GRIK2: variants seen among roughly 807,000 people sequenced by gnomAD.
The protein encoded by GRIK2 is glutamate ionotropic receptor kainate type subunit 2.
In GRIK2, 32 loss-of-function variants were observed where a neutral mutation model predicts 100.3. The ratio of observed to expected loss-of-function variants is 0.32; its 90% CI spans 0.24 to 0.43. GRIK2 has a LOEUF of 0.43. Among genes scored for constraint, GRIK2 ranks in the 20% least tolerant of loss-of-function variants. The probability of loss-of-function intolerance (pLI) is 1.00; values close to 1 mark genes in which losing one functional copy is unlikely to be tolerated. For missense variants in GRIK2, 843 were observed against 1,114.9 expected (o/e 0.76, Z 3.47); for synonymous variants, 417 against 389.4 (o/e 1.07, Z -0.83).
At chr6:101,766,430 T>A (rs1397724003) in intron 7 of GRIK2, among the ~76,000 whole-genome samples, 1 of 152,170 alleles carries the variant, frequency 6.6e-6, no homozygotes, top group African/African-American at 2.4e-5. Context: ...ATTAAAGTAA[T>A]GTTTGATATA....
chr6:101,431,806 C>A (rs187038225), intron 2 of GRIK2, among the ~76,000 whole-genome samples: 4 of 152,276 alleles, frequency 2.6e-5, no homozygotes, highest in Admixed American at 1.3e-4. Flanking sequence ...ATTTCCAACA[C>A]TGAAGTGGTT....
At chr6:101,986,972 T>G (rs1794046919) in intron 14 of GRIK2, among the ~76,000 whole-genome samples, 1 of 151,640 alleles carries the variant, frequency 6.6e-6, no homozygotes, top group South Asian at 2.1e-4. Flanking sequence ...AGACCCCAGC[T>G]ATATTAAAAA....
At chr6:101,825,617 C>G (rs200141934) in intron 10 of GRIK2, among the ~76,000 whole-genome samples, 1 of 137,208 alleles carries the variant, frequency 7.3e-6, no homozygotes, top group African/African-American at 3.0e-5. Context: ...AGCAGTTTTG[C>G]CTTTATGTTA....
At chr6:101,852,615 G>C (rs530715868) in intron 10 of GRIK2, among the ~76,000 whole-genome samples, 1 of 152,270 alleles carries the variant, frequency 6.6e-6, no homozygotes, top group South Asian at 2.1e-4. Flanking sequence ...AATCGCTCAA[G>C]TCTAGTTCAG....
chr6:102,039,368 G>T (rs1770449221), intron 15 of GRIK2, among the ~76,000 whole-genome samples: 2 of 151,474 alleles, frequency 1.3e-5, no homozygotes, highest in Non-Finnish European at 3.0e-5. Context: ...TTTTAATGTG[G>T]CATTTACTGT....
At chr6:101,684,920 AG>A (rs2128343336) in intron 6 of GRIK2, among the ~76,000 whole-genome samples, 1 of 152,102 alleles carries the variant, frequency 6.6e-6, no homozygotes, top group South Asian at 2.1e-4. Context: ...CTGTGGGGGT[AG>A]GTCAGAGAAT....
At chr6:101,486,916 G>C (rs1197359315) in intron 2 of GRIK2, among the ~76,000 whole-genome samples, 1 of 146,914 alleles carries the variant, frequency 6.8e-6, no homozygotes, top group Non-Finnish European at 1.5e-5. Context: ...CAAATATTTG[G>C]TTATAGCATA....
rs1052558431 is a variant in GRIK2 at position 101,971,056 on chromosome 6, A to G, written c.2085+42424A>G. The stretch of plus-strand genomic sequence containing the variant: ...ACTGCATTCCTTGCTGTGTATTTCA[A>G]ATTCTCTTGGAGTTTGTACTTCTAA... On this transcript the variant is annotated intron_variant, in intron 14 of 16. Transcript: ENST00000369134. Among the ~76,000 whole-genome samples the G allele has an allele frequency of 1.3e-5, 2 of 150,830 alleles. 1 individual carries two copies. Among genetic ancestry groups the G allele is most frequent in the African/African-American group, 5.0e-5 (2 of 40,324 alleles).
intron 2 of GRIK2, among the ~76,000 whole-genome samples, chr6:101,411,866 GT>G (rs1424353329): frequency 1.3e-5 from 2 of 152,038 alleles, no homozygotes; most frequent in Non-Finnish European, 2.9e-5. Flanking sequence ...CTAATATGAT[GT>G]ATGGTTGTGA....
At chr6:101,928,347 G>GA in intron 13 of GRIK2, 68 bp from the exon 14 acceptor site, 1 of 839,634 alleles carries the variant, frequency 1.2e-6, no homozygotes, top group Non-Finnish European at 2.1e-6. Context: ...CTGCCACTGT[G>GA]ACAAAAAGTA....
At chr6:101,860,326 G>A (rs112385514) in intron 11 of GRIK2, among the ~76,000 whole-genome samples, 2 of 152,158 alleles carry the variant, frequency 1.3e-5, no homozygotes, top group African/African-American at 4.8e-5. Flanking sequence ...ATACTTTGAG[G>A]GAGGGGCAAA....
intron 14 of GRIK2, among the ~76,000 whole-genome samples, chr6:101,955,613 TCTCC>T (rs945557279): frequency 5.0e-5 from 5 of 99,630 alleles, no homozygotes; most frequent in African/African-American, 1.1e-4. Flanking sequence ...TCTCTCTCTC[TCTCC>T]CCCCCATTTC....
At chr6:101,581,287 CGTG>C (rs938518470) in intron 2 of GRIK2, among the ~76,000 whole-genome samples, 40 of 149,776 alleles carry the variant, frequency 2.7e-4, no homozygotes, top group Middle Eastern at 3.5e-3. Flanking sequence ...TGTATACACA[CGTG>C]TGTGTGTGTG....
chr6:101,779,023 T>C (rs1328953855), intron 7 of GRIK2, among the ~76,000 whole-genome samples: 2 of 152,104 alleles, frequency 1.3e-5, no homozygotes, highest in Non-Finnish European at 2.9e-5. Flanking sequence ...TTTAATTATA[T>C]ATATAAGATC....
chr6:101,715,290 T>C (rs1773986530), intron 7 of GRIK2, among the ~76,000 whole-genome samples: 1 of 151,710 alleles, frequency 6.6e-6, no homozygotes, highest in Non-Finnish European at 1.5e-5. Context: ...ACAAATAATG[T>C]CATTCAGGAT....
chr6:101,453,244 T>A (rs1356566484), intron 2 of GRIK2, among the ~76,000 whole-genome samples: 1 of 152,010 alleles, frequency 6.6e-6, no homozygotes, highest in South Asian at 2.1e-4. Flanking sequence ...TTTTTTTCAT[T>A]CATCTTCAGA....
At chr6:101,664,462 C>A (rs537412383) in intron 4 of GRIK2, among the ~76,000 whole-genome samples, 5 of 152,196 alleles carry the variant, frequency 3.3e-5, no homozygotes, top group Non-Finnish European at 7.3e-5. Context: ...TAAAATGCAA[C>A]ATTAATTTTA....
chr6:101,980,768 C>G (rs551442747), intron 14 of GRIK2, among the ~76,000 whole-genome samples: 1 of 151,138 alleles, frequency 6.6e-6, no homozygotes, highest in Non-Finnish European at 1.5e-5. Context: ...CACGTGGAGT[C>G]ATTTAAAAGA....
chr6:102,036,291 T>C (rs1460208119), intron 15 of GRIK2, among the ~76,000 whole-genome samples: 1 of 151,164 alleles, frequency 6.6e-6, no homozygotes, highest in Non-Finnish European at 1.5e-5. Context: ...AGTACATGTG[T>C]ACATGTAGTG....
Sources: gnomAD v4.1 joint callset for allele counts (sites outside exome capture counted in the v4.1 genomes callset) on GRCh38, gnomAD v4.1.1 for gene constraint, MANE v1.5 for transcripts, NCBI Gene and HGNC (gene_info 2026-07-23, HGNC 2026-07-21) for gene names.